ARHGAP44: variants seen among roughly 807,000 people sequenced by gnomAD.
ARHGAP44 encodes rho GTPase-activating protein 44.
Under a neutral mutation model 106.8 loss-of-function variants are expected in ARHGAP44, and 43 were observed. That is an observed-to-expected ratio of 0.40 (90% confidence interval 0.32 to 0.52). ARHGAP44 has a LOEUF of 0.52. Among genes scored for constraint, ARHGAP44 ranks in the 20% least tolerant of loss-of-function variants. The pLI is 0.48. For missense variants in ARHGAP44, 866 were observed against 1,050.5 expected, an observed-to-expected ratio of 0.82 and a Z score of 2.43; for synonymous variants, 439 against 410.3, an observed-to-expected ratio of 1.07 and a Z score of -0.85.
At chr17:12,862,822 C>T (rs990324515) in intron 1 of ARHGAP44, among the ~76,000 whole-genome samples, 6 of 149,942 alleles carry the variant, frequency 4.0e-5, no homozygotes, top group Non-Finnish European at 8.9e-5. Flanking sequence ...TAGTGAGATC[C>T]TGTCTCTATA....
chr17:12,946,038 C>T lies in ARHGAP44; in HGVS notation c.861+1842C>T, dbSNP rs180769853. The stretch of plus-strand genomic sequence containing the variant: ...CCTCCCAAAGTGCTGAGATTATAGG[C>T]GTGAGCCACCGCACTGGGCCTCAAT... On this transcript the variant is annotated intron_variant, in intron 10 of 20. Transcript: ENST00000379672. Among the ~76,000 whole-genome samples the T allele has an allele frequency of 2.4e-4, 36 of 152,284 alleles. 1 individual carries two copies. The highest frequency in any genetic ancestry group is 2.2e-3 in the Admixed American group (33 of 15,286).
chr17:12,856,139 G>C (rs760307284), intron 1 of ARHGAP44, among the ~76,000 whole-genome samples: 1 of 152,194 alleles, frequency 6.6e-6, no homozygotes, highest in Non-Finnish European at 1.5e-5. Flanking sequence ...ATTTTCTTCT[G>C]TCTTTCTGTC....
intron 1 of ARHGAP44, among the ~76,000 whole-genome samples, chr17:12,857,225 G>C (rs1362882701): frequency 6.6e-6 from 1 of 152,118 alleles, no homozygotes; most frequent in Non-Finnish European, 1.5e-5. Flanking sequence ...TGGCTGATGA[G>C]GTCTGCGTTA....
chr17:12,887,140 C>A (rs915531307), intron 1 of ARHGAP44, among the ~76,000 whole-genome samples: 1 of 151,842 alleles, frequency 6.6e-6, no homozygotes, highest in Admixed American at 6.6e-5. Flanking sequence ...GGAATAAATC[C>A]CACTTGGTTT....
At chr17:12,818,570 T>C (rs1398600355) in intron 1 of ARHGAP44, among the ~76,000 whole-genome samples, 1 of 152,068 alleles carries the variant, frequency 6.6e-6, no homozygotes, top group East Asian at 1.9e-4. Flanking sequence ...TGATCACCTA[T>C]GTATAAAATA....
intron 1 of ARHGAP44, 102 bp downstream of exon 1, chr17:12,789,993 T>G: frequency 8.6e-7 from 1 of 1,159,240 alleles, no homozygotes. Flanking sequence ...CCTCCTTGCC[T>G]CAGTCCTTTC....
chr17:12,888,400 A>C (rs1014773168), intron 1 of ARHGAP44, among the ~76,000 whole-genome samples: 2 of 152,058 alleles, frequency 1.3e-5, no homozygotes, highest in African/African-American at 4.8e-5. Context: ...TTTTCTTCTT[A>C]TGCTGCTGTT....
chr17:12,949,659 A>G lies in ARHGAP44; in HGVS notation c.984A>G (p.Lys328=), dbSNP rs965612808. 2.5e-6 allele frequency: 4 copies of G among 1,613,668 alleles called. No homozygotes were observed. The highest frequency in any genetic ancestry group is 3.4e-6 in the Non-Finnish European group (4 of 1,179,838). ...ADPHAIAGAL[K]SYLRELPEPL... is the part of the protein sequence containing the mutation. ...TTCATTCATGCCTAGGAGCTTTGAA[A>G]TCTTACCTCCGAGAGTTGCCAGAAC... Residue 328 remains lysine (K), a synonymous_variant, in exon 12 of 21, where the codon AAA becomes AAG. Coordinates refer to ENST00000379672, the MANE Select transcript of ARHGAP44 (RefSeq NM_014859.6). The surrounding 1 kb of genome is among the most constrained non-coding windows in gnomAD (Gnocchi z 4.1).
chr17:12,851,935 A>G (rs1363991365), intron 1 of ARHGAP44, among the ~76,000 whole-genome samples: 5 of 151,746 alleles, frequency 3.3e-5, no homozygotes. Flanking sequence ...GCTGAAAATC[A>G]GTTGGTATAA....
intron 1 of ARHGAP44, among the ~76,000 whole-genome samples, chr17:12,792,098 C>T (rs911238972): frequency 2.0e-5 from 3 of 152,188 alleles, no homozygotes; most frequent in Non-Finnish European, 4.4e-5. Context: ...GCCGTGTGGC[C>T]TTTCTTGCCC....
chr17:12,913,968 C>CAAAAAA (rs58231055), intron 4 of ARHGAP44, among the ~76,000 whole-genome samples: 1,596 of 62,714 alleles, frequency 0.025, 94 homozygotes, highest in East Asian at 0.042. Flanking sequence ...GATTTTGTCT[C>CAAAAAA]AAAAAAAAAA....
At chr17:12,886,355 A>G (rs2036882310) in intron 1 of ARHGAP44, among the ~76,000 whole-genome samples, 2 of 152,320 alleles carry the variant, frequency 1.3e-5, no homozygotes, top group South Asian at 4.1e-4. Flanking sequence ...GTCTGTAACT[A>G]TAATAAATCT....
chr17:12,827,672 T>C (rs1020886756), intron 1 of ARHGAP44, among the ~76,000 whole-genome samples: 4 of 152,198 alleles, frequency 2.6e-5, no homozygotes, highest in Non-Finnish European at 5.9e-5. Flanking sequence ...TTTTTCTATA[T>C]TTCATGGTTT....
chr17:12,949,811 C>A lies in ARHGAP44; in HGVS notation c.1055+81C>A. ...TGCTGAAATTATAGAAGCATGTAACCTATGATCTCGCAACCCCGTTTCTTG... is the reference window on the plus strand; with the variant it reads ...TGCTGAAATTATAGAAGCATGTAACATATGATCTCGCAACCCCGTTTCTTG... On this transcript the variant is annotated intron_variant, in intron 12 of 20. Coordinates refer to ENST00000379672, the MANE Select transcript of ARHGAP44 (RefSeq NM_014859.6). The surrounding 1 kb of genome is among the most constrained non-coding windows in gnomAD (Gnocchi z 4.1). The A allele has an allele frequency of 7.1e-7, 1 of 1,405,190 alleles. No individual in the cohort carries two copies. Among genetic ancestry groups the A allele is most frequent in the Non-Finnish European group, 1.0e-6 (1 of 1,004,192 alleles). The allele number at this position is 1,405,190 out of a possible 1,614,324, so 87.0% of individuals were successfully genotyped here.
chr17:12,967,249 CT>C lies in ARHGAP44; in HGVS notation c.1524-6027del, dbSNP rs57651305. ...AGATCCTGATCCACAACTCTTTTTG[CT>C]TTTTTTTTTTTTTTTTTTTTTTTTT... On this transcript the variant is annotated intron_variant, in intron 16 of 20. Transcript: ENST00000379672. Among the ~76,000 whole-genome samples the C allele has an allele frequency of 5.3e-3, 493 of 93,098 alleles. 5 individuals carry two copies. The highest frequency in any genetic ancestry group is 0.052 in the East Asian group (131 of 2,500). The allele number at this position is 93,098 out of a possible 152,430, so 61.1% of individuals were successfully genotyped here.
chr17:12,867,655 T>C (rs1169992114), intron 1 of ARHGAP44, among the ~76,000 whole-genome samples: 3 of 152,214 alleles, frequency 2.0e-5, no homozygotes, highest in Non-Finnish European at 4.4e-5. Context: ...TTGGGAGTCA[T>C]GGAATCTATC....
At chr17:12,913,013 G>A (rs7207847) in intron 4 of ARHGAP44, among the ~76,000 whole-genome samples, 15,837 of 152,174 alleles carry the variant, frequency 0.1, 1,495 homozygotes, top group East Asian at 0.3. Flanking sequence ...CCAGGGAATG[G>A]TGAAGGAAGA....
chr17:12,836,239 C>T (rs1339116137), intron 1 of ARHGAP44, among the ~76,000 whole-genome samples: 3 of 151,986 alleles, frequency 2.0e-5, no homozygotes, highest in Non-Finnish European at 4.4e-5. Flanking sequence ...CAAAGTTATG[C>T]CAATCTTTTT....
intron 14 of ARHGAP44, 88 bp from the exon 15 acceptor site, chr17:12,956,567 C>G (rs2039131424): frequency 1.7e-6 from 2 of 1,151,334 alleles, no homozygotes; most frequent in African/African-American, 1.5e-5. Context: ...AGGGCCCCTT[C>G]CTGGGCTCTG....
Sources: allele counts gnomAD v4.1 joint callset (sites outside exome capture counted in the v4.1 genomes callset), GRCh38; gene constraint gnomAD v4.1.1; non-coding constraint Gnocchi (gnomAD v3.1); transcripts MANE v1.5; gene names NCBI Gene and HGNC (gene_info 2026-07-23, HGNC 2026-07-21).